Variants in PINLYP observed in about 807,000 individuals in gnomAD.
The protein encoded by PINLYP is phospholipase A2 inhibitor and Ly6/PLAUR domain-containing protein.
PINLYP carries 12 observed loss-of-function variants against 15.8 expected under a neutral mutation model. The ratio of observed to expected loss-of-function variants is 0.76; its 90% CI spans 0.49 to 1.23. The LOEUF (loss-of-function observed/expected upper bound fraction) is 1.23, where lower values mean the gene tolerates loss of function less well. PINLYP is among the 50% of genes most tolerant of loss of function. PINLYP has a pLI of 0.00. For missense variants in PINLYP, 278 were observed against 264.2 expected, an observed-to-expected ratio of 1.05 and a Z score of -0.36; for synonymous variants, 93 against 97.7, an observed-to-expected ratio of 0.95 and a Z score of 0.28.
intron 1 of PINLYP, 78 bp from the exon 2 acceptor site, chr19:43,577,037 G>A: frequency 7.1e-7 from 1 of 1,416,722 alleles, no homozygotes; most frequent in Non-Finnish European, 9.4e-7. Flanking sequence ...GTCACTTTTG[G>A]ATTCTGGTTC....
chr19:43,578,584 C>G lies in PINLYP; in HGVS notation c.71-6C>G. 6.5e-7 allele frequency: 1 copy of G among 1,532,800 alleles called. No individual in the cohort carries two copies. The highest frequency in any genetic ancestry group is 8.7e-7 in the Non-Finnish European group (1 of 1,144,148). 94.9% of individuals were successfully genotyped at this position (1,532,800 alleles called of 1,614,324 possible). ...ACTACAGCCTCGCCCTCTGTCTACACTGCAGGGTGCCCACTACACTGCGAA... is the reference window on the plus strand; with the variant it reads ...ACTACAGCCTCGCCCTCTGTCTACAGTGCAGGGTGCCCACTACACTGCGAA... On this transcript the variant is annotated splice_polypyrimidine_tract_variant and splice_region_variant and intron_variant, in intron 2 of 5. Coordinates refer to ENST00000599207, the Ensembl canonical transcript of PINLYP.
exon 1 of PINLYP, among the ~76,000 whole-genome samples, chr19:43,576,343 A>C (rs1036445108): frequency 6.6e-6 from 1 of 151,990 alleles, no homozygotes; most frequent in Non-Finnish European, 1.5e-5. Flanking sequence ...ACACACACAC[A>C]CGCACATATA....
At chr19:43,581,185 C>T in intron 3 of PINLYP, 27 bp from the exon 4 acceptor site, 1 of 1,533,864 alleles carries the variant, frequency 6.5e-7, no homozygotes, top group Non-Finnish European at 8.7e-7. Flanking sequence ...TCAGCCAGCA[C>T]TGTCCCTGCC....
At chr19:43,577,596 A>AT (rs1271488612) in intron 2 of PINLYP, among the ~76,000 whole-genome samples, 6 of 128,164 alleles carry the variant, frequency 4.7e-5, no homozygotes, top group East Asian at 2.3e-4. Flanking sequence ...TAAAAATATA[A>AT]TTAAAAAAAA....
exon 6 of PINLYP, chr19:43,581,884 A>C (rs962177861): frequency 1.3e-6 from 2 of 1,536,732 alleles, no homozygotes; most frequent in Non-Finnish European, 1.7e-6. Context: ...TCAAACCCAG[A>C]TTTGCTATGC....
chr19:43,575,511 C>G, upstream of PINLYP: 9 of 1,579,478 alleles, frequency 5.7e-6, no homozygotes, highest in Non-Finnish European at 6.9e-6. Flanking sequence ...GTATGGGGTC[C>G]GAGGGGCAGG....
intron 5 of PINLYP, 70 bp from the exon 6 acceptor site, chr19:43,581,798 G>A (rs1972937914): frequency 6.5e-7 from 1 of 1,533,706 alleles, no homozygotes; most frequent in Non-Finnish European, 8.7e-7. Flanking sequence ...AAGTGGGTGA[G>A]GATGTGTTCT....
chr19:43,581,782 C>G, intron 5 of PINLYP, 79 bp downstream of exon 5: 1 of 1,532,884 alleles, frequency 6.5e-7, no homozygotes, highest in Non-Finnish European at 8.7e-7. Context: ...GGAGAGGGTT[C>G]CAGAGAAGTG....
At chr19:43,579,016 A>G (rs1470392618) in intron 3 of PINLYP, 2 of 310,242 alleles carry the variant, frequency 6.4e-6, no homozygotes, top group Admixed American at 4.4e-5. Flanking sequence ...TGTGGGGGGC[A>G]GAGAAATAGT....
At chr19:43,581,117 G>T (rs1972925845) in intron 3 of PINLYP, 95 bp from the exon 4 acceptor site, 6 of 1,323,930 alleles carry the variant, frequency 4.5e-6, no homozygotes, top group Non-Finnish European at 6.0e-6. Flanking sequence ...AAGTTGTGGG[G>T]TTGGGGAGGC....
exon 4 of PINLYP, chr19:43,581,315 C>T (rs774270525): frequency 6.5e-7 from 1 of 1,537,002 alleles, no homozygotes; most frequent in Non-Finnish European, 8.7e-7. Flanking sequence ...ACATGGTAAC[C>T]AGCTCCTTCT....
intron 5 of PINLYP, 78 bp from the exon 6 acceptor site, chr19:43,581,790 G>A (rs1972937711): frequency 1.3e-6 from 2 of 1,533,636 alleles, no homozygotes; most frequent in Non-Finnish European, 1.7e-6. Flanking sequence ...TTCCAGAGAA[G>A]TGGGTGAGGA....
chr19:43,575,594 A>C (rs1972851333), upstream of PINLYP: 3 of 868,730 alleles, frequency 3.5e-6, no homozygotes, highest in South Asian at 2.2e-5. Context: ...GGCCTTTCAA[A>C]CCCCGGCGCG....
chr19:43,576,948 G>A (rs552085211), intron 1 of PINLYP, 29 bp downstream of exon 1: 1 of 563,854 alleles, frequency 1.8e-6, no homozygotes, highest in Non-Finnish European at 3.0e-6. Flanking sequence ...GACTTTCTGG[G>A]TTCTAATAGA....
chr19:43,575,744 A>G (rs901889538), upstream of PINLYP: 8 of 341,170 alleles, frequency 2.3e-5, no homozygotes, highest in South Asian at 8.7e-5. Context: ...TCGCCTCCCA[A>G]TGACGTCCGA....
chr19:43,577,779 G>A (rs1354056454), intron 2 of PINLYP, among the ~76,000 whole-genome samples: 3 of 151,876 alleles, frequency 2.0e-5, no homozygotes, highest in Admixed American at 6.6e-5. Context: ...GGTGGTGGGC[G>A]CCTGTAATCC....
At chr19:43,581,644 T>C (rs907936005) in exon 5 of PINLYP, 8 of 1,536,534 alleles carry the variant, frequency 5.2e-6, no homozygotes, top group Non-Finnish European at 6.1e-6. Context: ...ATGGGGCCCA[T>C]GACCCACTGT....
intron 3 of PINLYP, 151 bp from the exon 4 acceptor site, chr19:43,581,059 TAA>T: frequency 1.0e-6 from 1 of 958,922 alleles, no homozygotes; most frequent in Non-Finnish European, 1.5e-6. Flanking sequence ...CAACTCCGTC[TAA>T]AAAAAATAAG....
exon 6 of PINLYP, chr19:43,581,885 T>C: frequency 6.5e-7 from 1 of 1,536,748 alleles, no homozygotes; most frequent in Non-Finnish European, 8.7e-7. Flanking sequence ...CAAACCCAGA[T>C]TTGCTATGCG....
Sources: allele counts gnomAD v4.1 joint callset (sites outside exome capture counted in the v4.1 genomes callset), GRCh38; gene constraint gnomAD v4.1.1; transcripts MANE v1.5; gene names NCBI Gene and HGNC (gene_info 2026-07-23, HGNC 2026-07-21).